Variants in TXNRD1 observed in about 807,000 individuals in gnomAD.
TXNRD1 encodes thioredoxin reductase 1, cytoplasmic.
In TXNRD1, 57 loss-of-function variants were observed where a neutral mutation model predicts 80.3. That is an observed-to-expected ratio of 0.71 (90% CI 0.57 to 0.89). The LOEUF is 0.89. TXNRD1 is among the 40% of genes least tolerant of loss of function. The pLI, the probability that TXNRD1 is intolerant of heterozygous loss-of-function variation, is 0.00. For synonymous variants in TXNRD1, 291 were observed against 285.2 expected (o/e 1.02, Z -0.20); for missense variants, 730 against 803.0 (o/e 0.91, Z 1.10).
chr12:104,296,886 T>C (rs2034452977), intron 4 of TXNRD1, among the ~76,000 whole-genome samples: 1 of 152,202 alleles, frequency 6.6e-6, no homozygotes, highest in African/African-American at 2.4e-5. Flanking sequence ...TCCAGGTCAG[T>C]TGGGAACAAA....
chr12:104,322,628 G>C (rs958995988), intron 10 of TXNRD1, among the ~76,000 whole-genome samples: 2 of 151,874 alleles, frequency 1.3e-5, no homozygotes, highest in African/African-American at 4.8e-5. Flanking sequence ...GGTCCTCCCA[G>C]TGCAGTGTCC....
intron 7 of TXNRD1, among the ~76,000 whole-genome samples, chr12:104,318,132 T>G (rs1271725101): frequency 6.6e-6 from 1 of 152,204 alleles, no homozygotes; most frequent in African/African-American, 2.4e-5. Context: ...CTGGGCAGTC[T>G]GGGCAACCAA....
intron 10 of TXNRD1, among the ~76,000 whole-genome samples, chr12:104,323,482 G>A (rs2035620374): frequency 1.4e-5 from 2 of 146,508 alleles, no homozygotes; most frequent in African/African-American, 2.5e-5. Context: ...GGGCGGCCGG[G>A]CAGAGGCGCC....
intron 4 of TXNRD1, among the ~76,000 whole-genome samples, chr12:104,303,000 G>A (rs2034701441): frequency 2.0e-5 from 3 of 152,190 alleles, no homozygotes; most frequent in African/African-American, 4.8e-5. Context: ...AGGGTTCAGA[G>A]TTACTACCCA....
At chr12:104,229,508 T>C (rs142185402) in intron 1 of TXNRD1, among the ~76,000 whole-genome samples, 141 of 152,212 alleles carry the variant, frequency 9.3e-4, no homozygotes, top group African/African-American at 3.2e-3. Flanking sequence ...CATTGCAGCA[T>C]GTATTAGTAC....
chr12:104,310,055 C>T (rs1161275284), intron 4 of TXNRD1: 1 of 1,535,488 alleles, frequency 6.5e-7, no homozygotes, highest in Admixed American at 2.0e-5. Flanking sequence ...CCTTTCACCC[C>T]CTACATCTGA....
rs534828429 is a variant in TXNRD1, at chr12:104,257,336, A to T, written c.244-683A>T. Among the ~76,000 whole-genome samples the T allele has an allele frequency of 2.0e-5, 3 of 151,886 alleles. No individual in the cohort carries two copies. In the South Asian group the frequency reaches 6.2e-4, roughly 32 times the overall value. On this transcript the variant is annotated intron_variant, in intron 2 of 16. Transcript: ENST00000525566. ...CAGCCAAAAAAGAAATAATACTTTA[A>T]CTATTGTAGAATATATTTTTCCCAG...
chr12:104,336,977 T>A (rs759547595), intron 15 of TXNRD1, among the ~76,000 whole-genome samples: 1 of 152,078 alleles, frequency 6.6e-6, no homozygotes, highest in Non-Finnish European at 1.5e-5. Flanking sequence ...TTCCTTCACT[T>A]CAAAAGGTAA....
At chr12:104,341,984 G>A (rs2036340099) in intron 16 of TXNRD1, among the ~76,000 whole-genome samples, 1 of 152,122 alleles carries the variant, frequency 6.6e-6, no homozygotes, top group African/African-American at 2.4e-5. Context: ...AGATACACAG[G>A]GCAAGGTGGT....
rs1235168611 is a variant in TXNRD1, at chr12:104,254,645, AT to A, written c.243+2968del. Among the ~76,000 whole-genome samples, 377 of 88,122 alleles carry A rather than the reference AT, an allele frequency of 4.3e-3. 17 individuals carry two copies. The highest frequency in any genetic ancestry group is 0.04 in the East Asian group (141 of 3,564). 57.8% of individuals were successfully genotyped at this position (88,122 alleles called of 152,430 possible). ...TATGTCTATGGAAAAAAAAAAAAAA[AT>A]ATATATATATATATATATATCAGCA... On this transcript the variant is annotated intron_variant, in intron 2 of 16. Coordinates refer to ENST00000525566, the MANE Select transcript of TXNRD1 (RefSeq NM_001093771.3).
At chr12:104,252,030 C>G (rs1389774236) in intron 2 of TXNRD1, among the ~76,000 whole-genome samples, 1 of 146,562 alleles carries the variant, frequency 6.8e-6, no homozygotes, top group Non-Finnish European at 1.5e-5. Context: ...TGCCACTGCA[C>G]TCCAGCTTGG....
chr12:104,308,129 G>C (rs957725786), intron 4 of TXNRD1, among the ~76,000 whole-genome samples: 2 of 152,012 alleles, frequency 1.3e-5, no homozygotes, highest in African/African-American at 4.8e-5. Context: ...TCGAGTAGCT[G>C]GGACTACAGG....
chr12:104,260,784 A>G (rs1278924461), intron 3 of TXNRD1, among the ~76,000 whole-genome samples: 2 of 152,220 alleles, frequency 1.3e-5, no homozygotes, highest in African/African-American at 4.8e-5. Context: ...GCTGTGAATT[A>G]GGGAAAAATA....
chr12:104,249,955 A>AG (rs1555207266), intron 1 of TXNRD1, among the ~76,000 whole-genome samples: 1 of 150,278 alleles, frequency 6.7e-6, no homozygotes, highest in Non-Finnish European at 1.5e-5. Flanking sequence ...AAAAAAAAAA[A>AG]GTGAAAGCTT....
chr12:104,324,710 G>C (rs1345520346), intron 10 of TXNRD1, among the ~76,000 whole-genome samples: 1 of 152,112 alleles, frequency 6.6e-6, no homozygotes, highest in Non-Finnish European at 1.5e-5. Flanking sequence ...TCTATTTGTA[G>C]TAGGTTGGTA....
rs1491493630 is a variant in TXNRD1 at position 104,252,658 on chromosome 12, T to TATATATATATATA, written c.243+980_243+981insATATATATATATA. Among the ~76,000 whole-genome samples, 69 of 10,298 alleles carry TATATATATATATA rather than the reference T, an allele frequency of 6.7e-3. 1 individual carries two copies. Among genetic ancestry groups the TATATATATATATA allele is most frequent in the Middle Eastern group, 0.25 (1 of 4 alleles). The allele number at this position is 10,298 out of a possible 152,430, so 6.8% of individuals were successfully genotyped here. ...GGTTCACTGAGAGGTTAATTTATTA[T>TATATATATATATA]TTTTTATATATATATATATATATAT... is the stretch of plus-strand genomic sequence containing the variant. On this transcript the variant is annotated intron_variant, in intron 2 of 16. Transcript: ENST00000525566.
chr12:104,260,718 A>T (rs1372822881), intron 3 of TXNRD1, among the ~76,000 whole-genome samples: 5 of 152,228 alleles, frequency 3.3e-5, no homozygotes, highest in Non-Finnish European at 7.3e-5. Context: ...TGGGTCCAAA[A>T]GTAGCCTTTT....
chr12:104,346,076 G>C (rs777302467), intron 16 of TXNRD1: 1 of 1,059,334 alleles, frequency 9.4e-7, no homozygotes, highest in South Asian at 1.3e-5. Flanking sequence ...GCAGTGGTGT[G>C]ATCTCAGTTC....
chr12:104,276,219 G>A (rs1236307958), intron 3 of TXNRD1, among the ~76,000 whole-genome samples: 1 of 152,220 alleles, frequency 6.6e-6, no homozygotes, highest in African/African-American at 2.4e-5. Context: ...AGACCACTTG[G>A]AATTGGGATA....
Sources: allele counts gnomAD v4.1 joint callset (sites outside exome capture counted in the v4.1 genomes callset), GRCh38; gene constraint gnomAD v4.1.1; transcripts MANE v1.5; gene names NCBI Gene and HGNC (gene_info 2026-07-23, HGNC 2026-07-21).